FMN1: variants seen among roughly 807,000 people sequenced by gnomAD.
The protein encoded by FMN1 is formin 1, also known as formin-1.
A neutral mutation model predicts 132.4 loss-of-function variants in FMN1; 110 were observed. The ratio of observed to expected loss-of-function variants is 0.83; its 90% CI spans 0.71 to 0.97. The LOEUF (loss-of-function observed/expected upper bound fraction) is 0.97. Ranked by LOEUF, FMN1 falls within the 50% of genes least tolerant of loss-of-function variation. FMN1 has a pLI of 0.00. For synonymous variants in FMN1, 722 were observed against 651.7 expected (o/e 1.11, Z -1.64); for missense variants, 1,792 against 1,705.3 (o/e 1.05, Z -0.90).
intron 6 of FMN1, among the ~76,000 whole-genome samples, chr15:33,037,531 C>A (rs542727174): frequency 2.0e-5 from 3 of 152,120 alleles, no homozygotes; most frequent in Admixed American, 2.0e-4. Context: ...TCCTTTGTAA[C>A]CTTAGGCTCT....
intron 17 of FMN1, among the ~76,000 whole-genome samples, chr15:32,854,640 C>A (rs60319331): frequency 0.2 from 30,617 of 151,978 alleles, 3,158 homozygotes; most frequent in East Asian, 0.32. Context: ...TGGCCGGGCA[C>A]AGTGGCTCAC....
intron 16 of FMN1, among the ~76,000 whole-genome samples, chr15:32,884,955 A>C (rs1436211975): frequency 2.0e-5 from 3 of 146,784 alleles, no homozygotes; most frequent in Non-Finnish European, 3.0e-5. Flanking sequence ...ACATGCCCTT[A>C]ATCAGCTTTA....
At chr15:32,847,288 A>ATG (rs35960980) in intron 17 of FMN1, among the ~76,000 whole-genome samples, 29,358 of 112,170 alleles carry the variant, frequency 0.26, 3,509 homozygotes, top group South Asian at 0.37. Context: ...GTGTGTGTGT[A>ATG]TGTGTGTGTG....
At chr15:33,045,321 G>C (rs1280610704) in intron 6 of FMN1, among the ~76,000 whole-genome samples, 1 of 152,180 alleles carries the variant, frequency 6.6e-6, no homozygotes, top group Admixed American at 6.5e-5. Context: ...GGTAGGCATG[G>C]AGTCCAGGCC....
intron 4 of FMN1, among the ~76,000 whole-genome samples, chr15:33,099,919 A>T (rs1267785743): frequency 2.6e-5 from 4 of 152,216 alleles, no homozygotes; most frequent in African/African-American, 9.6e-5. Context: ...TGTGGGACTC[A>T]AAAGAGGAGG....
chr15:33,176,326 T>G (rs1265900315), intron 3 of FMN1, among the ~76,000 whole-genome samples: 1 of 151,976 alleles, frequency 6.6e-6, no homozygotes, highest in African/African-American at 2.4e-5. Context: ...GCCAAGATAG[T>G]AAAACCCTGT....
chr15:33,128,250 C>T (rs1364878436), intron 4 of FMN1, among the ~76,000 whole-genome samples: 3 of 151,238 alleles, frequency 2.0e-5, no homozygotes, highest in African/African-American at 4.9e-5. Flanking sequence ...TTTCCAACAC[C>T]CTCAGAGAGC....
intron 12 of FMN1, among the ~76,000 whole-genome samples, chr15:32,905,919 C>T (rs556834282): frequency 2.0e-5 from 3 of 152,220 alleles, no homozygotes; most frequent in South Asian, 2.1e-4. Flanking sequence ...CTCACCCTCC[C>T]GCAACTGAGC....
chr15:32,956,460 G>A (rs937226118), intron 9 of FMN1, among the ~76,000 whole-genome samples: 3 of 151,958 alleles, frequency 2.0e-5, no homozygotes, highest in Non-Finnish European at 4.4e-5. Context: ...TTTGTAAACT[G>A]GTGCCTGTCA....
At chr15:32,930,572 T>C (rs1000072759) in intron 9 of FMN1, among the ~76,000 whole-genome samples, 2 of 152,212 alleles carry the variant, frequency 1.3e-5, no homozygotes, top group Non-Finnish European at 2.9e-5. Flanking sequence ...GATAAGTCTT[T>C]AGCCCATTTT....
At position 32,994,212 on chromosome 15, in the gene FMN1, C is replaced by CCTCTCTCTCTCTCTCT. The variant is rs771176022; in HGVS notation, c.2223+13786_2223+13801dup. Among the ~76,000 whole-genome samples, 542 of 146,468 alleles carry CCTCTCTCTCTCTCTCT rather than the reference C, an allele frequency of 3.7e-3. 1 individual carries two copies. The highest frequency in any genetic ancestry group is 6.9e-3 in the Middle Eastern group (2 of 290). ...AATAAATTGTTGAATAGAACTCATT[C>CCTCTCTCTCTCTCTCT]CTCTCTCTCTCTCTCTCTCTCACAC... On this transcript the variant is annotated intron_variant, in intron 7 of 20. Transcript: ENST00000616417.
intron 4 of FMN1, among the ~76,000 whole-genome samples, chr15:33,138,314 T>G (rs1963860320): frequency 6.6e-6 from 1 of 152,198 alleles, no homozygotes; most frequent in Non-Finnish European, 1.5e-5. Context: ...TCACCGACTC[T>G]TGGCTCCTGG....
At chr15:33,119,045 C>T (rs1436216441) in intron 4 of FMN1, among the ~76,000 whole-genome samples, 2 of 152,084 alleles carry the variant, frequency 1.3e-5, no homozygotes, top group African/African-American at 4.8e-5. Flanking sequence ...AACTGGAGGA[C>T]ATCTGAATCA....
chr15:32,845,725 C>T (rs531401117), intron 17 of FMN1, among the ~76,000 whole-genome samples: 43 of 152,304 alleles, frequency 2.8e-4, no homozygotes, highest in African/African-American at 9.4e-4. Context: ...GTATAGCATG[C>T]TCCCCAATCA....
intron 9 of FMN1, among the ~76,000 whole-genome samples, chr15:32,958,490 C>T (rs1385071184): frequency 2.0e-5 from 3 of 152,104 alleles, no homozygotes; most frequent in Admixed American, 6.5e-5. Flanking sequence ...GGTAAGATTT[C>T]TTCTAATTCC....
At chr15:32,798,178 G>GAACA (rs1555457387) in intron 19 of FMN1, among the ~76,000 whole-genome samples, 28,814 of 147,008 alleles carry the variant, frequency 0.2, 3,113 homozygotes, top group Non-Finnish European at 0.24. Context: ...TAAGGAAAAC[G>GAACA]CACACACACA....
intron 7 of FMN1, among the ~76,000 whole-genome samples, chr15:32,971,077 C>T (rs1417717520): frequency 6.6e-6 from 1 of 152,156 alleles, no homozygotes; most frequent in Non-Finnish European, 1.5e-5. Flanking sequence ...GTTCTATGAC[C>T]TCAGACAGGG....
intron 17 of FMN1, among the ~76,000 whole-genome samples, chr15:32,823,325 T>C (rs1315360953): frequency 2.6e-5 from 4 of 151,696 alleles, no homozygotes; most frequent in Admixed American, 6.6e-5. Flanking sequence ...CCATGCCCAG[T>C]TAATTTCTTT....
At chr15:33,092,153 C>A (rs2038926449) in intron 4 of FMN1, among the ~76,000 whole-genome samples, 1 of 152,178 alleles carries the variant, frequency 6.6e-6, no homozygotes, top group Non-Finnish European at 1.5e-5. Flanking sequence ...CTTTGAAAGT[C>A]TGTGCTTTTC....
Sources: allele counts gnomAD v4.1 joint callset (sites outside exome capture counted in the v4.1 genomes callset), GRCh38; gene constraint gnomAD v4.1.1; transcripts MANE v1.5; gene names NCBI Gene and HGNC (gene_info 2026-07-23, HGNC 2026-07-21).